Variants in BDP1 observed in about 807,000 individuals in gnomAD.
BDP1 encodes transcription factor TFIIIB component B'' homolog.
A neutral mutation model predicts 266.6 loss-of-function variants in BDP1; 169 were observed. The ratio of observed to expected loss-of-function variants is 0.63; its 90% CI spans 0.56 to 0.72. BDP1 has a LOEUF of 0.72. BDP1 is among the 30% of genes least tolerant of loss of function. The pLI is 0.00. For synonymous variants in BDP1, 1,090 were observed against 1,022.4 expected (o/e 1.07, Z -1.26); for missense variants, 3,015 against 3,053.8 (o/e 0.99, Z 0.30).
At chr5:71,467,256 T>C in intron 5 of BDP1, 98 bp from the exon 6 acceptor site, 1 of 977,198 alleles carries the variant, frequency 1.0e-6, no homozygotes, top group East Asian at 2.4e-5. Flanking sequence ...TTTGATATGA[T>C]TGCCATGCTA....
At chr5:71,501,038 A>C (rs995251685) in intron 13 of BDP1, among the ~76,000 whole-genome samples, 1 of 151,828 alleles carries the variant, frequency 6.6e-6, no homozygotes. Context: ...TCAAGGCTGC[A>C]GTGAGCTATG....
At chr5:71,504,531 C>G in intron 15 of BDP1, 90 bp from the exon 16 acceptor site, 1 of 1,152,822 alleles carries the variant, frequency 8.7e-7, no homozygotes, top group Non-Finnish European at 1.2e-6. Context: ...AATTTTTTAC[C>G]ATTTTATACT....
intron 25 of BDP1, among the ~76,000 whole-genome samples, 171 bp from the exon 26 acceptor site, chr5:71,532,137 A>G (rs986401172): frequency 6.6e-6 from 1 of 152,232 alleles, no homozygotes; most frequent in African/African-American, 2.4e-5. Context: ...ACTTTTGCCA[A>G]GTTGCTGTCA....
At chr5:71,464,526 GT>G (rs1579981234) in intron 4 of BDP1, among the ~76,000 whole-genome samples, 1 of 151,816 alleles carries the variant, frequency 6.6e-6, no homozygotes, top group Admixed American at 6.6e-5. Flanking sequence ...TTGGGCTATT[GT>G]TTTTGTAATT....
intron 21 of BDP1, 83 bp from the exon 22 acceptor site, chr5:71,517,239 A>G: frequency 8.5e-7 from 1 of 1,179,586 alleles, no homozygotes; most frequent in Non-Finnish European, 1.2e-6. Context: ...ATTTTAAAAA[A>G]CTAAATATCT....
At chr5:71,497,159 T>C (rs1763945577) in intron 12 of BDP1, 111 bp from the exon 13 acceptor site, 1 of 906,628 alleles carries the variant, frequency 1.1e-6, no homozygotes, top group Non-Finnish European at 1.7e-6. Context: ...GCTACTCTTG[T>C]TCTAAGTAAG....
Position 71,522,502 on chromosome 5 carries a change from C to CAAAAAAAAAA in BDP1, c.5193+19_5193+28dup. The CAAAAAAAAAA allele has an allele frequency of 7.0e-7, 1 of 1,433,902 alleles. No individual in the cohort carries two copies. The highest frequency in any genetic ancestry group is 9.4e-7 in the Non-Finnish European group (1 of 1,065,164). The allele number at this position is 1,433,902 out of a possible 1,614,324, so 88.8% of individuals were successfully genotyped here. A position where few individuals can be genotyped will look rare whatever the true frequency, so the allele number is the denominator to read the frequency against. On this transcript the variant is annotated intron_variant, in intron 23 of 38. Transcript: ENST00000358731. ...AGCTCCTTCTAAAAGTAAGTTTGGG[C>CAAAAAAAAAA]AAAAAAAAAAAAAAAATTTTTTTTC...
chr5:71,524,848 G>A (rs1765702093), intron 25 of BDP1, among the ~76,000 whole-genome samples: 1 of 149,700 alleles, frequency 6.7e-6, no homozygotes, highest in Non-Finnish European at 1.5e-5. Flanking sequence ...TAACGAGCAT[G>A]CTGCCTTCAA....
intron 34 of BDP1, among the ~76,000 whole-genome samples, chr5:71,552,405 A>T (rs1168529747): frequency 6.6e-6 from 1 of 152,106 alleles, no homozygotes; most frequent in Admixed American, 6.5e-5. Context: ...GGCTCCTCAC[A>T]TCCCAGACGA....
intron 21 of BDP1, 79 bp from the exon 22 acceptor site, chr5:71,517,243 A>T (rs1765269656): frequency 8.4e-7 from 1 of 1,195,240 alleles, no homozygotes. Context: ...TAAAAAACTA[A>T]ATATCTTAAT....
intron 36 of BDP1, among the ~76,000 whole-genome samples, chr5:71,557,987 T>A (rs1743347169): frequency 6.6e-6 from 1 of 152,228 alleles, no homozygotes; most frequent in Admixed American, 6.5e-5. Context: ...ATTAAACCAC[T>A]TAGGATCTAT....
In BDP1 at chr5:71,499,051, T is replaced by A. The variant is rs576252962; in HGVS notation, c.1956+1625T>A. ...ATAACTTTATCTATGTATGCACACA[T>A]TTCTATAATTTTTAACCATAATGTG... On this transcript the variant is annotated intron_variant, in intron 13 of 38. Coordinates refer to ENST00000358731, the MANE Select transcript of BDP1 (RefSeq NM_018429.3). Among the ~76,000 whole-genome samples, 12 of 152,146 alleles carry A rather than the reference T, an allele frequency of 7.9e-5. No individual in the cohort carries two copies. In the South Asian group the frequency reaches 2.3e-3, roughly 29 times the overall value.
chr5:71,525,379 G>A (rs1765748332), intron 25 of BDP1, among the ~76,000 whole-genome samples: 1 of 147,138 alleles, frequency 6.8e-6, no homozygotes, highest in Non-Finnish European at 1.5e-5. Context: ...GGGGCGGCTG[G>A]CCGGGCGGGG....
the BDP1 span, among the ~76,000 whole-genome samples, chr5:71,575,863 C>T: frequency 2.0e-5 from 3 of 152,268 alleles, no homozygotes; most frequent in East Asian, 5.8e-4. Flanking sequence ...ATGGCTGATA[C>T]TCTTTTGGCC....
chr5:71,549,404 T>G lies in BDP1; in HGVS notation c.6809-16T>G, dbSNP rs764655674. 8 of 1,592,426 alleles carry G rather than the reference T, an allele frequency of 5.0e-6. No homozygotes were observed. Among genetic ancestry groups the G allele is most frequent in the Non-Finnish European group, 6.0e-6 (7 of 1,169,592 alleles). Reference sequence around the variant, plus strand: ...ATAGTTGAGCTTTTTTATTACTAACTTTTAAACTTTGATAGTGAATCTAGT... The same window carrying G: ...ATAGTTGAGCTTTTTTATTACTAACGTTTAAACTTTGATAGTGAATCTAGT... On this transcript the variant is annotated splice_polypyrimidine_tract_variant and intron_variant, in intron 33 of 38. Coordinates refer to ENST00000358731, the MANE Select transcript of BDP1 (RefSeq NM_018429.3).
At chr5:71,532,555 T>G in intron 26 of BDP1, 128 bp downstream of exon 26, 1 of 825,770 alleles carries the variant, frequency 1.2e-6, no homozygotes, top group East Asian at 2.8e-5. Context: ...TAAGGAGCTG[T>G]TAGTCTGAGT....
chr5:71,478,952 T>G (rs1762765078), intron 7 of BDP1, among the ~76,000 whole-genome samples: 1 of 152,214 alleles, frequency 6.6e-6, no homozygotes, highest in Admixed American at 6.5e-5. Context: ...GTCTTTTGTC[T>G]TCAATCTGCT....
intron 16 of BDP1, 88 bp from the exon 17 acceptor site, chr5:71,509,377 G>T (rs1764762841): frequency 1.1e-5 from 15 of 1,355,910 alleles, no homozygotes; most frequent in Non-Finnish European, 1.5e-5. Context: ...AGAGTTTCTG[G>T]TGTTTCTGTA....
chr5:71,559,734 A>G (rs1271111351), intron 36 of BDP1, among the ~76,000 whole-genome samples: 1 of 152,196 alleles, frequency 6.6e-6, no homozygotes, highest in African/African-American at 2.4e-5. Context: ...TATTTCTGGG[A>G]AAATATTTTC....
Sources: allele counts gnomAD v4.1 joint callset (sites outside exome capture counted in the v4.1 genomes callset), GRCh38; gene constraint gnomAD v4.1.1; transcripts MANE v1.5; gene names NCBI Gene and HGNC (gene_info 2026-07-23, HGNC 2026-07-21).